The following AFF1 variants were observed in gnomAD, a reference collection of about 807,000 sequenced individuals.
AFF1 encodes the protein AF4/FMR2 family member 1.
A neutral mutation model predicts 121.7 loss-of-function variants in AFF1; 48 were observed. That is an observed-to-expected ratio of 0.39 (90% CI 0.31 to 0.50). AFF1 has a LOEUF of 0.50. Among genes scored for constraint, AFF1 ranks in the 20% least tolerant of loss-of-function variants. AFF1 has a pLI of 0.76. For missense variants in AFF1, 1,523 were observed against 1,511.7 expected, an observed-to-expected ratio of 1.01 and a Z score of -0.12; for synonymous variants, 613 against 563.0, an observed-to-expected ratio of 1.09 and a Z score of -1.26.
intron 12 of AFF1, among the ~76,000 whole-genome samples, chr4:87,115,805 T>C (rs1305167036): frequency 6.6e-6 from 1 of 151,860 alleles, no homozygotes; most frequent in East Asian, 1.9e-4. Flanking sequence ...GAGGTGGGGT[T>C]TTGCCATGTT....
At chr4:86,940,587 C>T (rs1204195254) in intron 1 of AFF1, among the ~76,000 whole-genome samples, 3 of 151,838 alleles carry the variant, frequency 2.0e-5, no homozygotes, top group South Asian at 4.2e-4. Context: ...TTAGTAGAGA[C>T]GGGGTTTCAC....
intron 2 of AFF1, among the ~76,000 whole-genome samples, chr4:87,035,430 G>A (rs1176811897): frequency 4.6e-5 from 7 of 152,058 alleles, no homozygotes; most frequent in African/African-American, 7.2e-5. Flanking sequence ...GTGTGGTGGC[G>A]GGCGCCTGTA....
intron 8 of AFF1, among the ~76,000 whole-genome samples, chr4:87,104,915 T>C (rs991360410): frequency 6.6e-6 from 1 of 152,146 alleles, no homozygotes; most frequent in African/African-American, 2.4e-5. Context: ...ACATAATGTG[T>C]AGACAATCGA....
rs139517222 is a variant in AFF1 at position 87,046,248 on chromosome 4, T to C, written c.121T>C (p.Phe41Leu). 12 of 1,613,564 alleles carry C rather than the reference T, an allele frequency of 7.4e-6. No individual in the cohort carries two copies. In the African/African-American group the frequency reaches 1.6e-4, roughly 22 times the overall value. Residue 41 changes from phenylalanine to leucine, a missense_variant, in exon 3 of 21, where the codon TTT becomes CTT. This residue lies in a region of AFF1 where 369 missense variants were observed against 367.2 expected (regional missense o/e 1.00). Coordinates refer to ENST00000395146, the MANE Select transcript of AFF1 (RefSeq NM_001166693.3). ...GGAAGCCCACCAAGAGAAAGAGGCA[T>C]TTCCTGAAAAGATTCCCCTTTTTGG... ...NQEAHQEKEA[F>L]PEKIPLFGEP...
chr4:87,117,430 C>A (rs1398955288), intron 12 of AFF1, among the ~76,000 whole-genome samples: 2 of 152,172 alleles, frequency 1.3e-5, no homozygotes, highest in East Asian at 3.8e-4. Flanking sequence ...GGTTCCAAAC[C>A]CCGGCTACAC....
intron 5 of AFF1, among the ~76,000 whole-genome samples, chr4:87,086,322 G>T (rs533465344): frequency 6.6e-6 from 1 of 152,068 alleles, no homozygotes; most frequent in Non-Finnish European, 1.5e-5. Flanking sequence ...CTTAGGTTTC[G>T]GTGTGTGTTG....
chr4:87,108,723 G>A (rs1726176150), intron 11 of AFF1, among the ~76,000 whole-genome samples: 1 of 152,190 alleles, frequency 6.6e-6, no homozygotes, highest in Non-Finnish European at 1.5e-5. Context: ...TAAAGCAAAA[G>A]GAGACTGCCT....
In AFF1 at chr4:86,941,248, T is replaced by C. The variant is rs577769101; in HGVS notation, c.-37+6008T>C. 2.6e-5 allele frequency among the ~76,000 whole-genome samples: 4 copies of C among 152,334 alleles called. No homozygotes were observed. In the East Asian group the frequency reaches 7.7e-4, roughly 29 times the overall value. Reference sequence around the variant, plus strand: ...TGAAACAGCCAGGTACAGTGCCTCATGCCTGTAATCGCAGCACTTTGGTAG... The same window carrying C: ...TGAAACAGCCAGGTACAGTGCCTCACGCCTGTAATCGCAGCACTTTGGTAG... On this transcript the variant is annotated intron_variant, in intron 1 of 20. Coordinates refer to ENST00000395146, the MANE Select transcript of AFF1 (RefSeq NM_001166693.3).
intron 4 of AFF1, among the ~76,000 whole-genome samples, chr4:87,061,303 C>T (rs182277436): frequency 1.3e-5 from 2 of 152,252 alleles, no homozygotes; most frequent in Admixed American, 1.3e-4. Context: ...ATTCCATGGC[C>T]CCTCCAGGCT....
At chr4:87,100,433 A>G (rs964637880) in intron 8 of AFF1, among the ~76,000 whole-genome samples, 1 of 152,076 alleles carries the variant, frequency 6.6e-6, no homozygotes, top group Admixed American at 6.6e-5. Context: ...TCCCCACAAG[A>G]CTTGCATTGT....
rs1331857476 is a variant in AFF1 at position 87,047,340 on chromosome 4, A to G, written c.805A>G (p.Ser269Gly). The G allele has an allele frequency of 2.5e-6, 4 of 1,614,026 alleles. No individual in the cohort carries two copies. The highest frequency in any genetic ancestry group is 3.4e-6 in the Non-Finnish European group (4 of 1,180,026). ...CCATGATAAAGAGACCCCTCAAGAC[A>G]GTTTGGTGGCCCCTGCCCAGCCGCC... ...KVHDKETPQD[S>G]LVAPAQPPSQ... Residue 269 changes from serine to glycine, a missense_variant, in exon 4 of 21, where the codon AGT (serine) becomes GGT (glycine). By Grantham distance (56) the Ser-to-Gly change is moderately conservative (BLOSUM62 0). Coordinates refer to ENST00000395146, the MANE Select transcript of AFF1 (RefSeq NM_001166693.3).
At chr4:87,074,163 G>A (rs710833) in intron 4 of AFF1, among the ~76,000 whole-genome samples, 5,921 of 152,032 alleles carry the variant, frequency 0.039, 429 homozygotes, top group African/African-American at 0.13. Context: ...AAATTCTTCC[G>A]AAAAACACTC....
At chr4:86,985,166 A>ATG (rs55749952) in intron 2 of AFF1, among the ~76,000 whole-genome samples, 5 of 88,464 alleles carry the variant, frequency 5.7e-5, no homozygotes, top group Non-Finnish European at 8.4e-5. Context: ...AATATAATAT[A>ATG]TATAATATGT....
At chr4:87,129,840 CGTT>C (rs1213572962) in intron 16 of AFF1, among the ~76,000 whole-genome samples, 4 of 152,156 alleles carry the variant, frequency 2.6e-5, no homozygotes, top group Non-Finnish European at 5.9e-5. Flanking sequence ...CTGGGAGAAG[CGTT>C]GTTTCTGCCC....
At chr4:86,997,883 G>A (rs1428386344) in intron 2 of AFF1, among the ~76,000 whole-genome samples, 1 of 152,030 alleles carries the variant, frequency 6.6e-6, no homozygotes, top group Non-Finnish European at 1.5e-5. Context: ...CCGAGGCTGA[G>A]GTCAAGGACT....
intron 4 of AFF1, among the ~76,000 whole-genome samples, chr4:87,072,144 A>T (rs1270815684): frequency 1.3e-5 from 2 of 152,174 alleles, no homozygotes; most frequent in Non-Finnish European, 2.9e-5. Context: ...TGGGCGGATC[A>T]CGAAGTCAGG....
chr4:87,134,807 TTTTAC>T, intron 20 of AFF1, 113 bp downstream of exon 20: 1 of 938,446 alleles, frequency 1.1e-6, no homozygotes, highest in Non-Finnish European at 1.6e-6. Flanking sequence ...TGTGTAGCTG[TTTTAC>T]TTTAATTATA....
In AFF1 at chr4:86,939,196, CATA is replaced by C. The variant is rs1003198271; in HGVS notation, c.-37+3959_-37+3961del. ...CTGTTTACCAACAGCTTTCACATGG[CATA>C]ATCATTTAAGCCTAATTGTGACTCT... On this transcript the variant is annotated intron_variant, in intron 1 of 20. Transcript: ENST00000395146. Among the ~76,000 whole-genome samples, 55 of 152,300 alleles carry C rather than the reference CATA, an allele frequency of 3.6e-4. 1 individual carries two copies. The highest frequency in any genetic ancestry group is 1.3e-3 in the African/African-American group (55 of 41,560).
Position 87,114,367 on chromosome 4 carries a change from C to T in AFF1, c.1534C>T (p.Pro512Ser), listed in dbSNP as rs1726855491. Residue 512 changes from proline to serine, a missense_variant and splice_region_variant, in exon 12 of 21, where the codon CCT becomes TCT. Transcript: ENST00000395146. Reference sequence around the variant, plus strand: ...CTTTTCTTTCTTTCCTTATTTTTAGCCTGAGCCTCCAACAACAAACAAATG... The same window carrying T: ...CTTTTCTTTCTTTCCTTATTTTTAGTCTGAGCCTCCAACAACAAACAAATG... ...NEPLETPAPE[P>S]EPPTTNKWQL... is the part of the protein sequence containing the mutation. 5 of 1,585,514 alleles carry T rather than the reference C, an allele frequency of 3.2e-6. No individual in the cohort carries two copies. Among genetic ancestry groups the T allele is most frequent in the Non-Finnish European group, 4.3e-6 (5 of 1,172,472 alleles).
Sources: allele counts gnomAD v4.1 joint callset (sites outside exome capture counted in the v4.1 genomes callset), GRCh38; gene constraint gnomAD v4.1.1; regional missense constraint gnomAD v4.1.1; transcripts MANE v1.5; gene names NCBI Gene and HGNC (gene_info 2026-07-23, HGNC 2026-07-21).